DCAF6: variants seen among roughly 807,000 people sequenced by gnomAD.
DCAF6 encodes the protein DDB1 and CUL4 associated factor 6, also known as DDB1- and CUL4-associated factor 6.
In DCAF6, 54 loss-of-function variants were observed where a neutral mutation model predicts 125.1. The ratio of observed to expected loss-of-function variants is 0.43; its 90% CI spans 0.35 to 0.54. The LOEUF is 0.54. DCAF6 is among the 20% of genes least tolerant of loss of function. The pLI, the probability that DCAF6 is intolerant of heterozygous loss-of-function variation, is 0.01. For missense variants in DCAF6, 934 were observed against 1,161.7 expected (o/e 0.80, Z 2.85); for synonymous variants, 371 against 390.4 (o/e 0.95, Z 0.58).
At chr1:167,925,675 T>G in the DCAF6 span, among the ~76,000 whole-genome samples, 1 of 151,168 alleles carries the variant, frequency 6.6e-6, no homozygotes, top group Non-Finnish European at 1.5e-5. Context: ...GCCTCCCAAG[T>G]AGCTGGGATT....
the DCAF6 span, chr1:167,883,646 G>A: frequency 1.2e-6 from 2 of 1,613,814 alleles, no homozygotes; most frequent in East Asian, 2.2e-5. Flanking sequence ...GTAGAGAGCA[G>A]CTTTCTGTAG....
the DCAF6 span, among the ~76,000 whole-genome samples, chr1:167,915,420 T>C: frequency 9.8e-4 from 150 of 152,346 alleles, no homozygotes; most frequent in Middle Eastern, 3.4e-3. Context: ...TTTAAAGTAC[T>C]TAAAGAAAAG....
intron 12 of DCAF6, among the ~76,000 whole-genome samples, chr1:168,028,902 T>A (rs1686693026): frequency 6.6e-6 from 1 of 152,176 alleles, no homozygotes; most frequent in Non-Finnish European, 1.5e-5. Flanking sequence ...TTCCCCACAC[T>A]GGAATACATC....
the DCAF6 span, among the ~76,000 whole-genome samples, chr1:167,886,037 G>T: frequency 6.6e-6 from 1 of 152,134 alleles, no homozygotes; most frequent in East Asian, 1.9e-4. Flanking sequence ...ACTGCTCAAC[G>T]AAGTAAAAGA....
intron 4 of DCAF6, among the ~76,000 whole-genome samples, chr1:167,986,981 A>G (rs1680103550): frequency 6.6e-6 from 1 of 152,206 alleles, no homozygotes; most frequent in African/African-American, 2.4e-5. Flanking sequence ...TTGAGAGTAC[A>G]TTTCGTTGAC....
the DCAF6 span, among the ~76,000 whole-genome samples, chr1:167,888,574 A>G: frequency 6.6e-6 from 1 of 152,134 alleles, no homozygotes; most frequent in Non-Finnish European, 1.5e-5. Flanking sequence ...CCCTGTTAGC[A>G]TATAGAAATG....
At chr1:167,923,677 G>A in the DCAF6 span, among the ~76,000 whole-genome samples, 1 of 151,386 alleles carries the variant, frequency 6.6e-6, no homozygotes, top group African/African-American at 2.4e-5. Context: ...CAGATAGTAA[G>A]TTTTATATGT....
chr1:167,877,705 G>A, the DCAF6 span, among the ~76,000 whole-genome samples: 1 of 152,148 alleles, frequency 6.6e-6, no homozygotes, highest in Non-Finnish European at 1.5e-5. Context: ...AAAAGGAAGA[G>A]GAAGAAGGAA....
intron 1 of DCAF6, among the ~76,000 whole-genome samples, chr1:167,950,981 T>G (rs893019483): frequency 6.6e-6 from 1 of 152,228 alleles, no homozygotes; most frequent in African/African-American, 2.4e-5. Flanking sequence ...GTACTTACTA[T>G]TGCTGTTTGC....
At chr1:168,028,304 A>G (rs1249946996) in intron 12 of DCAF6, among the ~76,000 whole-genome samples, 1 of 152,194 alleles carries the variant, frequency 6.6e-6, no homozygotes, top group Non-Finnish European at 1.5e-5. Context: ...TAACAACAGC[A>G]AAAAGAATAT....
upstream of DCAF6, chr1:167,936,626 C>A: frequency 2.7e-6 from 1 of 367,706 alleles, no homozygotes; most frequent in South Asian, 3.2e-5. Flanking sequence ...CCATCGCCTC[C>A]GCCTCCGCCT....
chr1:168,020,048 C>T (rs1685489563), intron 11 of DCAF6: 1 of 152,396 alleles, frequency 6.6e-6, no homozygotes, highest in African/African-American at 2.4e-5. Context: ...ACATAATACG[C>T]TCCAGATGTT....
chr1:168,007,531 T>C (rs1339624284), intron 10 of DCAF6, among the ~76,000 whole-genome samples: 3 of 152,182 alleles, frequency 2.0e-5, no homozygotes, highest in Non-Finnish European at 4.4e-5. Flanking sequence ...TCAAAGTCAC[T>C]AGTGACATTC....
At chr1:167,988,011 C>T (rs951900711) in intron 5 of DCAF6, among the ~76,000 whole-genome samples, 3 of 151,850 alleles carry the variant, frequency 2.0e-5, no homozygotes, top group African/African-American at 4.8e-5. Context: ...CTTTTTTTCT[C>T]CTGTCTTTTA....
chr1:168,056,381 G>A (rs1203291787), intron 17 of DCAF6: 3 of 1,482,324 alleles, frequency 2.0e-6, no homozygotes, highest in Middle Eastern at 2.4e-4. Context: ...CGCGCAGGGT[G>A]CAGAGCAGGG....
chr1:167,903,949 A>G, the DCAF6 span: 1 of 1,614,094 alleles, frequency 6.2e-7, no homozygotes, highest in Non-Finnish European at 8.5e-7. Flanking sequence ...CCCTCTGTCC[A>G]TGTACATGGC....
chr1:167,944,427 C>T (rs1161596287), intron 1 of DCAF6, among the ~76,000 whole-genome samples: 3 of 152,114 alleles, frequency 2.0e-5, no homozygotes, highest in Admixed American at 2.0e-4. Flanking sequence ...ATTTACATTC[C>T]CACCAATGGT....
chr1:167,926,370 G>C, the DCAF6 span, among the ~76,000 whole-genome samples: 2 of 152,128 alleles, frequency 1.3e-5, no homozygotes, highest in Non-Finnish European at 2.9e-5. Context: ...CACACACATA[G>C]AACTCTAGCC....
At chr1:167,864,619 C>T in the DCAF6 span, among the ~76,000 whole-genome samples, 7 of 150,638 alleles carry the variant, frequency 4.6e-5, no homozygotes, top group Non-Finnish European at 3.0e-5. Flanking sequence ...GACAGAAAGT[C>T]AAAGAGAGAA....
Sources: gnomAD v4.1 joint callset for allele counts (sites outside exome capture counted in the v4.1 genomes callset) on GRCh38, gnomAD v4.1.1 for gene constraint, MANE v1.5 for transcripts, NCBI Gene and HGNC (gene_info 2026-07-23, HGNC 2026-07-21) for gene names.